Variants in TM9SF3 observed in about 807,000 individuals in gnomAD.
The protein encoded by TM9SF3 is SM-11044-binding protein.
A neutral mutation model predicts 78.6 loss-of-function variants in TM9SF3; 14 were observed. That is an observed-to-expected ratio of 0.18 (90% CI 0.12 to 0.28). The LOEUF (loss-of-function observed/expected upper bound fraction) is 0.28. Ranked by LOEUF, TM9SF3 falls within the 10% of genes least tolerant of loss-of-function variation. The probability of loss-of-function intolerance (pLI) is 1.00; values close to 1 mark genes in which losing one functional copy is unlikely to be tolerated. For synonymous variants in TM9SF3, 231 were observed against 241.7 expected (o/e 0.96, Z 0.41); for missense variants, 496 against 721.9 (o/e 0.69, Z 3.59).
chr10:96,562,216 GTTTTTT>G, intron 3 of TM9SF3, 78 bp from the exon 4 acceptor site: 52 of 560,732 alleles, frequency 9.3e-5, no homozygotes, highest in Middle Eastern at 5.6e-4. Context: ...TGCTCATTAA[GTTTTTT>G]TTTTTTTTTT....
At chr10:96,576,465 C>T (rs1374691087) in intron 2 of TM9SF3, 169 bp downstream of exon 2, 2 of 498,864 alleles carry the variant, frequency 4.0e-6, no homozygotes, top group Non-Finnish European at 3.2e-6. Flanking sequence ...CTGGAAGGTG[C>T]TACTGGCATC....
chr10:96,544,253 G>A (rs764069950), intron 8 of TM9SF3, 47 bp from the exon 9 acceptor site: 77 of 1,429,994 alleles, frequency 5.4e-5, no homozygotes, highest in African/African-American at 1.2e-4. Context: ...TATTTAGTAC[G>A]AAATTATTTG....
chr10:96,548,741 T>A (rs548248905), intron 7 of TM9SF3, among the ~76,000 whole-genome samples: 2 of 133,056 alleles, frequency 1.5e-5, no homozygotes, highest in African/African-American at 5.9e-5. Flanking sequence ...GAGGTGGCAG[T>A]GAGCCAAGAA....
chr10:96,574,347 A>G (rs988849184), intron 2 of TM9SF3, among the ~76,000 whole-genome samples: 3 of 152,256 alleles, frequency 2.0e-5, no homozygotes, highest in Non-Finnish European at 4.4e-5. Flanking sequence ...CGGTCACTAG[A>G]GAAATGCGAA....
intron 10 of TM9SF3, among the ~76,000 whole-genome samples, chr10:96,532,594 GAT>G (rs1375068228): frequency 4.6e-5 from 7 of 152,150 alleles, no homozygotes; most frequent in African/African-American, 1.7e-4. Context: ...TATCTGGAAA[GAT>G]AGTAAATATT....
At chr10:96,572,581 CA>C (rs1848448567) in intron 2 of TM9SF3, among the ~76,000 whole-genome samples, 1 of 148,068 alleles carries the variant, frequency 6.8e-6, no homozygotes, top group South Asian at 2.1e-4. Flanking sequence ...GGCTGGAGTG[CA>C]ATGGCGCAAT....
intron 2 of TM9SF3, 107 bp downstream of exon 2, chr10:96,576,527 G>T: frequency 9.5e-7 from 1 of 1,052,432 alleles, no homozygotes. Flanking sequence ...GTACATAACA[G>T]CTCCATACAA....
intron 1 of TM9SF3, among the ~76,000 whole-genome samples, chr10:96,580,139 G>A (rs1382872572): frequency 6.6e-6 from 1 of 152,188 alleles, no homozygotes; most frequent in Non-Finnish European, 1.5e-5. Context: ...GGCCAATTCA[G>A]GCTACCGGCA....
chr10:96,539,733 CACAA>C (rs780246755), intron 9 of TM9SF3, among the ~76,000 whole-genome samples: 8 of 151,872 alleles, frequency 5.3e-5, no homozygotes, highest in Non-Finnish European at 8.8e-5. Context: ...TGTAAAAACA[CACAA>C]ACAAAAAAGG....
intron 9 of TM9SF3, among the ~76,000 whole-genome samples, chr10:96,534,230 T>C (rs190930435): frequency 2.0e-5 from 3 of 152,328 alleles, no homozygotes; most frequent in East Asian, 3.9e-4. Context: ...CAAAGGGTAC[T>C]GTCATCTCCT....
intron 1 of TM9SF3, among the ~76,000 whole-genome samples, chr10:96,585,622 G>A (rs1485465346): frequency 6.6e-6 from 1 of 152,170 alleles, no homozygotes; most frequent in African/African-American, 2.4e-5. Flanking sequence ...AGCTAGCCAA[G>A]GATCCAGCGA....
intron 4 of TM9SF3, among the ~76,000 whole-genome samples, chr10:96,561,299 T>A (rs1262668063): frequency 1.3e-5 from 2 of 152,240 alleles, no homozygotes; most frequent in Non-Finnish European, 2.9e-5. Context: ...ATTACTTTTA[T>A]TACAACTATA....
chr10:96,549,817 T>TAAAA (rs35197761), intron 7 of TM9SF3, among the ~76,000 whole-genome samples: 3,037 of 140,314 alleles, frequency 0.022, 129 homozygotes, highest in African/African-American at 0.062. Context: ...TTCTGCATTT[T>TAAAA]AAAAAAAAAA....
At chr10:96,550,613 A>T (rs925126631) in intron 7 of TM9SF3, among the ~76,000 whole-genome samples, 1 of 152,198 alleles carries the variant, frequency 6.6e-6, no homozygotes, top group Admixed American at 6.5e-5. Context: ...TAGGGACCTG[A>T]GATCTTCTGT....
At chr10:96,550,599 T>C (rs1255081361) in intron 7 of TM9SF3, among the ~76,000 whole-genome samples, 1 of 152,222 alleles carries the variant, frequency 6.6e-6, no homozygotes, top group African/African-American at 2.4e-5. Context: ...TCTTGAGCAC[T>C]GAATAGGGAC....
At chr10:96,562,562 A>G (rs1848321805) in intron 3 of TM9SF3, among the ~76,000 whole-genome samples, 1 of 152,180 alleles carries the variant, frequency 6.6e-6, no homozygotes, top group Non-Finnish European at 1.5e-5. Context: ...TCCCTAGTCT[A>G]GTACTTTCTC....
chr10:96,527,375 G>A (rs1335885070), intron 13 of TM9SF3, 38 bp downstream of exon 13: 1 of 1,593,286 alleles, frequency 6.3e-7, no homozygotes, highest in East Asian at 2.2e-5. Context: ...GACAAATTTA[G>A]TTTCCTAAAT....
At chr10:96,536,104 C>G (rs980815468) in intron 9 of TM9SF3, among the ~76,000 whole-genome samples, 14 of 151,642 alleles carry the variant, frequency 9.2e-5, no homozygotes, top group African/African-American at 2.4e-4. Flanking sequence ...GATCGAACAC[C>G]CATTCAAAAT....
chr10:96,573,267 C>T (rs1848459671), intron 2 of TM9SF3, among the ~76,000 whole-genome samples: 1 of 152,150 alleles, frequency 6.6e-6, no homozygotes, highest in Non-Finnish European at 1.5e-5. Context: ...TATCTCTGGG[C>T]TTCTGGGAGA....
Sources: allele counts gnomAD v4.1 joint callset (sites outside exome capture counted in the v4.1 genomes callset), GRCh38; gene constraint gnomAD v4.1.1; transcripts MANE v1.5; gene names NCBI Gene and HGNC (gene_info 2026-07-23, HGNC 2026-07-21).